The following BRINP3 variants were observed in gnomAD, a reference collection of about 807,000 sequenced individuals.
The protein encoded by BRINP3 is BMP/retinoic acid inducible neural specific 3.
Under a neutral mutation model 71.0 loss-of-function variants are expected in BRINP3, and 19 were observed. The observed-to-expected ratio is 0.27, with a 90% confidence interval of 0.19 to 0.39. The LOEUF (loss-of-function observed/expected upper bound fraction) is 0.39, where lower values mean the gene tolerates loss of function less well. BRINP3 is among the 10% of genes least tolerant of loss of function. The probability of loss-of-function intolerance (pLI) is 1.00; values close to 1 mark genes in which losing one functional copy is unlikely to be tolerated. For synonymous variants in BRINP3, 380 were observed against 337.7 expected (o/e 1.13, Z -1.37); for missense variants, 959 against 940.8 (o/e 1.02, Z -0.25).
At chr1:190,211,787 A>G (rs563212095) in intron 6 of BRINP3, among the ~76,000 whole-genome samples, 1 of 152,262 alleles carries the variant, frequency 6.6e-6, no homozygotes, top group East Asian at 1.9e-4. Context: ...CTCCATAGCC[A>G]TCTATGTCAG....
At chr1:190,322,258 G>A (rs74129280) in intron 2 of BRINP3, among the ~76,000 whole-genome samples, 4 of 152,000 alleles carry the variant, frequency 2.6e-5, no homozygotes, top group Non-Finnish European at 5.9e-5. Flanking sequence ...GAAATGAGAA[G>A]AAGATAAAGT....
intron 1 of BRINP3, among the ~76,000 whole-genome samples, chr1:190,469,650 A>T (rs1264649323): frequency 6.6e-6 from 1 of 150,966 alleles, no homozygotes; most frequent in South Asian, 2.1e-4. Flanking sequence ...TACCATACTA[A>T]AGTCATGAAA....
intron 2 of BRINP3, among the ~76,000 whole-genome samples, chr1:190,283,228 T>C (rs1663174587): frequency 6.6e-6 from 1 of 151,956 alleles, no homozygotes; most frequent in African/African-American, 2.4e-5. Flanking sequence ...TCATCTAAAG[T>C]TTTAATTAGT....
At chr1:190,375,271 G>T (rs1670110988) in intron 2 of BRINP3, among the ~76,000 whole-genome samples, 1 of 151,742 alleles carries the variant, frequency 6.6e-6, no homozygotes, top group Non-Finnish European at 1.5e-5. Flanking sequence ...ATTTGTATAT[G>T]TAAATGTGTA....
chr1:190,267,349 A>G (rs112913036), intron 3 of BRINP3, among the ~76,000 whole-genome samples: 80 of 152,236 alleles, frequency 5.3e-4, no homozygotes, highest in African/African-American at 1.8e-3. Context: ...ATTTAAAAAG[A>G]TATTACTATT....
intron 2 of BRINP3, among the ~76,000 whole-genome samples, chr1:190,390,811 A>G (rs756407648): frequency 6.6e-6 from 1 of 151,858 alleles, no homozygotes; most frequent in Non-Finnish European, 1.5e-5. Context: ...TAGAGAAATT[A>G]TGCTAAGTGA....
At chr1:190,228,407 G>GT (rs1366992600) in intron 5 of BRINP3, among the ~76,000 whole-genome samples, 1 of 151,320 alleles carries the variant, frequency 6.6e-6, no homozygotes, top group Non-Finnish European at 1.5e-5. Flanking sequence ...AAGAACTCGC[G>GT]TACCATTTTC....
At chr1:190,146,497 TATC>T (rs910848669) in intron 7 of BRINP3, among the ~76,000 whole-genome samples, 6 of 152,168 alleles carry the variant, frequency 3.9e-5, no homozygotes, top group Non-Finnish European at 5.9e-5. Flanking sequence ...TTAATTACTA[TATC>T]ATCATCACCA....
At chr1:190,120,472 C>A (rs1653547541) in intron 7 of BRINP3, among the ~76,000 whole-genome samples, 1 of 151,842 alleles carries the variant, frequency 6.6e-6, no homozygotes, top group Non-Finnish European at 1.5e-5. Flanking sequence ...TACAAACCTA[C>A]TTTTTAATTT....
intron 2 of BRINP3, among the ~76,000 whole-genome samples, chr1:190,300,253 T>G (rs1459346317): frequency 1.3e-5 from 2 of 152,106 alleles, no homozygotes; most frequent in African/African-American, 4.8e-5. Context: ...TTGTTTCTTT[T>G]TATTCTTTTT....
intron 6 of BRINP3, among the ~76,000 whole-genome samples, chr1:190,161,783 A>C (rs1381389120): frequency 6.6e-6 from 1 of 152,336 alleles, no homozygotes; most frequent in South Asian, 2.1e-4. Flanking sequence ...TTATATACAT[A>C]CAATAGAATA....
At chr1:190,472,255 A>G (rs905828192) in intron 1 of BRINP3, among the ~76,000 whole-genome samples, 9 of 151,654 alleles carry the variant, frequency 5.9e-5, no homozygotes, top group African/African-American at 2.2e-4. Flanking sequence ...TCTTACCAGG[A>G]GTACATTAAT....
intron 2 of BRINP3, among the ~76,000 whole-genome samples, chr1:190,293,809 T>A (rs1049782702): frequency 6.6e-6 from 1 of 152,154 alleles, no homozygotes; most frequent in African/African-American, 2.4e-5. Flanking sequence ...TGATTTAATG[T>A]CTATTTTATA....
At chr1:190,288,769 G>A (rs1324563161) in intron 2 of BRINP3, among the ~76,000 whole-genome samples, 1 of 151,774 alleles carries the variant, frequency 6.6e-6, no homozygotes, top group East Asian at 1.9e-4. Flanking sequence ...AAGGTAATGC[G>A]ATTTTGTGGA....
intron 2 of BRINP3, among the ~76,000 whole-genome samples, chr1:190,347,049 A>G (rs145374937): frequency 2.2e-4 from 33 of 152,238 alleles, no homozygotes; most frequent in Middle Eastern, 3.4e-3. Context: ...CCCCTCACAC[A>G]CACACAAAGT....
intron 7 of BRINP3, among the ~76,000 whole-genome samples, chr1:190,100,306 A>G (rs887906251): frequency 6.6e-6 from 1 of 152,136 alleles, no homozygotes; most frequent in African/African-American, 2.4e-5. Context: ...TCCTTTAAAT[A>G]TCTACTTACT....
intron 2 of BRINP3, among the ~76,000 whole-genome samples, chr1:190,426,899 T>C (rs930758546): frequency 6.6e-6 from 1 of 151,872 alleles, no homozygotes; most frequent in Non-Finnish European, 1.5e-5. Context: ...ATGATAGTTA[T>C]TTCAGAGATT....
At chr1:190,379,956 C>A (rs2102240104) in intron 2 of BRINP3, among the ~76,000 whole-genome samples, 1 of 135,622 alleles carries the variant, frequency 7.4e-6, no homozygotes, top group Non-Finnish European at 1.5e-5. Context: ...TGAGATCGTG[C>A]CATTGCACTC....
chr1:190,372,254 T>A (rs573219571), intron 2 of BRINP3, among the ~76,000 whole-genome samples: 1 of 152,272 alleles, frequency 6.6e-6, no homozygotes, highest in South Asian at 2.1e-4. Flanking sequence ...CTGCAACCTG[T>A]TGAACCAAGC....
Sources: gnomAD v4.1 joint callset for allele counts (sites outside exome capture counted in the v4.1 genomes callset) on GRCh38, gnomAD v4.1.1 for gene constraint, MANE v1.5 for transcripts, NCBI Gene and HGNC (gene_info 2026-07-23, HGNC 2026-07-21) for gene names.